Variants in LGSN observed in about 807,000 individuals in gnomAD.
LGSN encodes lengsin, lens protein with glutamine synthetase domain, also known as lengsin.
In LGSN, 21 loss-of-function variants were observed where a neutral mutation model predicts 19.5. The observed-to-expected ratio is 1.07, with a 90% confidence interval of 0.76 to 1.55. LGSN has a LOEUF of 1.55. Among genes scored for constraint, LGSN ranks in the 40% most tolerant of loss-of-function variants. The probability of loss-of-function intolerance (pLI) is 0.00; values close to 1 mark genes in which losing one functional copy is unlikely to be tolerated. For missense variants in LGSN, 673 were observed against 608.5 expected (o/e 1.11, Z -1.12); for synonymous variants, 257 against 215.6 (o/e 1.19, Z -1.68).
chr6:63,350,330 T>C, the LGSN span, among the ~76,000 whole-genome samples: 1 of 152,224 alleles, frequency 6.6e-6, no homozygotes, highest in African/African-American at 2.4e-5. Flanking sequence ...TAGGACCAAA[T>C]TTATTAAAAT....
the LGSN span, among the ~76,000 whole-genome samples, chr6:63,359,432 G>C: frequency 1.3e-4 from 20 of 152,172 alleles, no homozygotes; most frequent in African/African-American, 4.8e-4. Flanking sequence ...TTGTACCTCT[G>C]GTAGAATGCA....
chr6:63,349,276 G>A, the LGSN span, among the ~76,000 whole-genome samples: 2 of 152,298 alleles, frequency 1.3e-5, no homozygotes, highest in Non-Finnish European at 2.9e-5. Flanking sequence ...ACTCTGTAAT[G>A]TAAATTGTGA....
chr6:63,309,153 C>A (rs966626260), intron 1 of LGSN, among the ~76,000 whole-genome samples: 1 of 152,186 alleles, frequency 6.6e-6, no homozygotes, highest in Non-Finnish European at 1.5e-5. Flanking sequence ...GCGCTTCTGG[C>A]CGGGCGCGGT....
the LGSN span, among the ~76,000 whole-genome samples, chr6:63,547,714 T>TGC: frequency 2.0e-5 from 3 of 150,298 alleles, no homozygotes; most frequent in African/African-American, 7.4e-5. Flanking sequence ...GGTTTCACCA[T>TGC]GTTAGCCAGG....
chr6:63,337,523 C>T, the LGSN span, among the ~76,000 whole-genome samples: 2 of 151,510 alleles, frequency 1.3e-5, no homozygotes, highest in East Asian at 2.0e-4. Flanking sequence ...AGACTTTGGA[C>T]GAGGTGAGGT....
the LGSN span, among the ~76,000 whole-genome samples, chr6:63,362,563 T>A: frequency 6.6e-6 from 1 of 152,178 alleles, no homozygotes; most frequent in African/African-American, 2.4e-5. Flanking sequence ...CCCGCCTGGC[T>A]CAGAGGGTCT....
intron 1 of LGSN, among the ~76,000 whole-genome samples, chr6:63,314,235 C>T (rs1184875566): frequency 6.6e-6 from 1 of 151,970 alleles, no homozygotes; most frequent in Non-Finnish European, 1.5e-5. Context: ...CAATTAGTGC[C>T]CTTATGGGGA....
the LGSN span, among the ~76,000 whole-genome samples, chr6:63,564,118 T>C: frequency 4.6e-5 from 7 of 152,004 alleles, no homozygotes; most frequent in South Asian, 1.2e-3. Flanking sequence ...CTACTAAAAA[T>C]ACAAAAATTA....
the LGSN span, among the ~76,000 whole-genome samples, chr6:63,339,935 T>G: frequency 3.3e-3 from 507 of 152,316 alleles, 5 homozygotes; most frequent in African/African-American, 0.012. Context: ...GCTTTTTTTG[T>G]AGATCCCCTC....
At chr6:63,415,564 T>C in the LGSN span, among the ~76,000 whole-genome samples, 2 of 152,208 alleles carry the variant, frequency 1.3e-5, no homozygotes, top group Non-Finnish European at 2.9e-5. Flanking sequence ...GAGAATGGCA[T>C]GGGCGAAAGC....
chr6:63,453,692 T>C, the LGSN span, among the ~76,000 whole-genome samples: 52 of 152,266 alleles, frequency 3.4e-4, no homozygotes, highest in African/African-American at 1.2e-3. Context: ...CTCGCTCTGT[T>C]GCCCAGGCTG....
the LGSN span, among the ~76,000 whole-genome samples, chr6:63,447,000 G>A: frequency 1.3e-5 from 2 of 152,194 alleles, no homozygotes; most frequent in Admixed American, 1.3e-4. Flanking sequence ...AGTGAGCCGA[G>A]ATCGTGCCGT....
chr6:63,487,190 G>A, the LGSN span, among the ~76,000 whole-genome samples: 7 of 151,496 alleles, frequency 4.6e-5, no homozygotes, highest in Non-Finnish European at 8.8e-5. Context: ...GATTGGTCTC[G>A]AACTCCTGGG....
At chr6:63,327,873 C>G in the LGSN span, among the ~76,000 whole-genome samples, 448 of 152,282 alleles carry the variant, frequency 2.9e-3, 3 homozygotes, top group African/African-American at 0.01. Context: ...GTTCTCCCCT[C>G]TCCTTCCCAT....
chr6:63,363,247 A>T, the LGSN span, among the ~76,000 whole-genome samples: 2 of 152,250 alleles, frequency 1.3e-5, no homozygotes, highest in Admixed American at 1.3e-4. Flanking sequence ...ATGGAGAGAA[A>T]CCAGAGCAGA....
the LGSN span, among the ~76,000 whole-genome samples, chr6:63,366,976 C>A: frequency 1.3e-5 from 2 of 151,930 alleles, no homozygotes; most frequent in Non-Finnish European, 2.9e-5. Context: ...AGACCTAAAA[C>A]CATAAAAACC....
At chr6:63,305,989 C>G (rs1258104447) in intron 1 of LGSN, among the ~76,000 whole-genome samples, 1 of 152,106 alleles carries the variant, frequency 6.6e-6, no homozygotes, top group Non-Finnish European at 1.5e-5. Flanking sequence ...ATCGCTTAAA[C>G]CCAGGAGGTG....
At chr6:63,416,729 G>A in the LGSN span, among the ~76,000 whole-genome samples, 6 of 150,448 alleles carry the variant, frequency 4.0e-5, no homozygotes, top group African/African-American at 1.2e-4. Flanking sequence ...CACCACGCCC[G>A]GCTAATTTTT....
the LGSN span, chr6:63,572,658 G>A: frequency 2.4e-6 from 1 of 411,452 alleles, no homozygotes; most frequent in Non-Finnish European, 4.2e-6. Context: ...CGCCTGTGTC[G>A]CCGCCGCCTC....
Sources: allele counts gnomAD v4.1 joint callset (sites outside exome capture counted in the v4.1 genomes callset), GRCh38; gene constraint gnomAD v4.1.1; transcripts MANE v1.5; gene names NCBI Gene and HGNC (gene_info 2026-07-23, HGNC 2026-07-21).